Variants in AGO1 observed in about 807,000 individuals in gnomAD.
The protein encoded by AGO1 is protein argonaute-1.
Under a neutral mutation model 109.2 loss-of-function variants are expected in AGO1, and 11 were observed. The observed-to-expected ratio is 0.10, with a 90% CI of 0.06 to 0.17. The LOEUF (loss-of-function observed/expected upper bound fraction) is 0.17, where lower values mean the gene tolerates loss of function less well. Ranked by LOEUF, AGO1 falls within the 10% of genes least tolerant of loss-of-function variation. AGO1 has a pLI of 1.00. For missense variants in AGO1, 574 were observed against 1,140.3 expected, an observed-to-expected ratio of 0.50 and a Z score of 7.15; for synonymous variants, 422 against 418.6, an observed-to-expected ratio of 1.01 and a Z score of -0.10.
intron 1 of AGO1, among the ~76,000 whole-genome samples, chr1:35,874,800 T>G (rs1331761650): frequency 1.3e-5 from 2 of 152,084 alleles, no homozygotes; most frequent in Non-Finnish European, 2.9e-5. Context: ...AGTGAACACA[T>G]GAATAGTAAG....
chr1:35,875,869 A>G (rs1165104376), intron 1 of AGO1, among the ~76,000 whole-genome samples: 1 of 152,260 alleles, frequency 6.6e-6, no homozygotes, highest in East Asian at 1.9e-4. Flanking sequence ...CTACTTACAC[A>G]ACATCCATTC....
At chr1:35,881,745 T>C (rs1178594363), upstream of AGO1, among the ~76,000 whole-genome samples, 3 of 152,248 alleles carry the variant, frequency 2.0e-5, no homozygotes, top group Admixed American at 1.3e-4. Flanking sequence ...CCGGTTATGG[T>C]CCATCCCTTA....
At chr1:35,898,832 A>G (rs1645366340) in intron 8 of AGO1, among the ~76,000 whole-genome samples, 3 of 152,176 alleles carry the variant, frequency 2.0e-5, no homozygotes, top group Admixed American at 1.3e-4. Context: ...TGTCCACAAA[A>G]TCATTTATTC....
chr1:35,917,442 C>A, intron 15 of AGO1, 151 bp from the exon 16 acceptor site: 1 of 874,652 alleles, frequency 1.1e-6, no homozygotes, highest in Non-Finnish European at 1.7e-6. Flanking sequence ...ACAAGAAGGG[C>A]CTGTCATCTC....
chr1:35,894,200 A>G, intron 6 of AGO1, 29 bp downstream of exon 6: 3 of 1,568,872 alleles, frequency 1.9e-6, no homozygotes, highest in Non-Finnish European at 1.7e-6. Flanking sequence ...GGGAAGGGAA[A>G]CAGCGCCACT....
chr1:35,893,087 C>A lies in AGO1; in HGVS notation c.331-10C>A. 6.2e-7 allele frequency: 1 copy of A among 1,612,380 alleles called. No individual in the cohort carries two copies. Among genetic ancestry groups the A allele is most frequent in the South Asian group, 1.1e-5 (1 of 90,856 alleles). On this transcript the variant is annotated splice_polypyrimidine_tract_variant and intron_variant, in intron 3 of 18. Coordinates refer to ENST00000373204, the MANE Select transcript of AGO1 (RefSeq NM_012199.5). This position sits in a 1 kb window ranked among gnomAD's most constrained non-coding sequence, Gnocchi z 5.6. ...GCAATCCTTCATCCCTTTCTTTCACCCTCCTGAAGGTCGACTTTGAGGTGA... is the reference window on the plus strand; with the variant it reads ...GCAATCCTTCATCCCTTTCTTTCACACTCCTGAAGGTCGACTTTGAGGTGA...
rs1309344784 is a variant in AGO1 at position 35,888,237 on chromosome 1, A to G, written c.26-190A>G. Among the ~76,000 whole-genome samples, 2 of 149,066 alleles carry G rather than the reference A, an allele frequency of 1.3e-5. No individual in the cohort carries two copies. Among genetic ancestry groups the G allele is most frequent in the African/African-American group, 5.2e-5 (2 of 38,476 alleles). ...AATTTTCCTAACTGGAGAGAGATTA[A>G]AAAAGAAAAAAGAGAAAAAACACAG... On this transcript the variant is annotated intron_variant, in intron 1 of 18. Transcript: ENST00000373204. The surrounding 1 kb of genome is among the most constrained non-coding windows in gnomAD (Gnocchi z 4.1).
chr1:35,894,197 G>A, intron 6 of AGO1, 26 bp downstream of exon 6: 1 of 1,568,364 alleles, frequency 6.4e-7, no homozygotes, highest in Non-Finnish European at 8.7e-7. Context: ...GAGGGGAAGG[G>A]AAACAGCGCC....
At chr1:35,905,818 G>C (rs2791961) in intron 11 of AGO1, among the ~76,000 whole-genome samples, 35,604 of 151,916 alleles carry the variant, frequency 0.23, 6,862 homozygotes, top group East Asian at 0.69. Flanking sequence ...TTGTAACCAG[G>C]CTACTCAATT....
chr1:35,901,607 C>T lies in AGO1; in HGVS notation c.1140+14C>T, dbSNP rs897504367. On this transcript the variant is annotated intron_variant, in intron 9 of 18. Coordinates refer to ENST00000373204, the MANE Select transcript of AGO1 (RefSeq NM_012199.5). The surrounding 1 kb of genome is among the most constrained non-coding windows in gnomAD (Gnocchi z 4.8). ...ATCAGTCGCCTGGTCAGTGGGCCTACTCATTTGCTCAGTCATTGGGGCCAT... is the reference window on the plus strand; with the variant it reads ...ATCAGTCGCCTGGTCAGTGGGCCTATTCATTTGCTCAGTCATTGGGGCCAT... The T allele has an allele frequency of 3.1e-6, 5 of 1,613,968 alleles. No individual in the cohort carries two copies. The highest frequency in any genetic ancestry group is 3.4e-6 in the Non-Finnish European group (4 of 1,180,000).
At position 35,926,345 on chromosome 1, in the gene AGO1, T is replaced by C. The variant is rs185858553; in HGVS notation, c.*6738T>C. On this transcript the variant is annotated 3_prime_UTR_variant, in exon 19 of 19. Transcript: ENST00000373204. ...TGTCCTGGCACCTCTGGGCATTCCTTTTCATTACTGGTTGAGCATCCTTCC... is the reference window on the plus strand; with the variant it reads ...TGTCCTGGCACCTCTGGGCATTCCTCTTCATTACTGGTTGAGCATCCTTCC... 33 of 152,264 alleles carry C rather than the reference T, an allele frequency of 2.2e-4. No individual in the cohort carries two copies. Among genetic ancestry groups the C allele is most frequent in the African/African-American group, 7.5e-4 (31 of 41,518 alleles). The allele number at this position is 152,264 out of a possible 1,614,324, so 9.4% of individuals were successfully genotyped here.
At chr1:35,878,713 C>G (rs1468247604), upstream of AGO1, among the ~76,000 whole-genome samples, 1 of 152,164 alleles carries the variant, frequency 6.6e-6, no homozygotes, top group Non-Finnish European at 1.5e-5. Flanking sequence ...TATAGATTTT[C>G]TCATACAAAT....
At position 35,927,982 on chromosome 1, in the gene AGO1, A is replaced by C. The variant is rs966786785; in HGVS notation, c.*8375A>C. On this transcript the variant is annotated 3_prime_UTR_variant, in exon 19 of 19. Transcript: ENST00000373204. Reference sequence around the variant, plus strand: ...TGACTCTAATCTTGGCCCATGTGAGAGGATTGTACTCAGTTGCTCTCCTCA... The same window carrying C: ...TGACTCTAATCTTGGCCCATGTGAGCGGATTGTACTCAGTTGCTCTCCTCA... 1.3e-5 allele frequency: 2 copies of C among 152,168 alleles called. No homozygotes were observed. Among genetic ancestry groups the C allele is most frequent in the Non-Finnish European group, 2.9e-5 (2 of 68,042 alleles). The allele number at this position is 152,168 out of a possible 1,614,324, so 9.4% of individuals were successfully genotyped here. A position where few individuals can be genotyped will look rare whatever the true frequency, so the allele number is the denominator to read the frequency against.
chr1:35,896,820 G>A (rs551088704), intron 8 of AGO1, among the ~76,000 whole-genome samples: 1 of 152,206 alleles, frequency 6.6e-6, no homozygotes, highest in Non-Finnish European at 1.5e-5. Context: ...AGCTACTGAT[G>A]CACATGAAGG....
chr1:35,902,220 C>T lies in AGO1; in HGVS notation c.1280C>T (p.Thr427Ile), dbSNP rs1015543488. 4.3e-6 allele frequency: 7 copies of T among 1,613,954 alleles called. No individual in the cohort carries two copies. The highest frequency in any genetic ancestry group is 5.9e-6 in the Non-Finnish European group (7 of 1,179,896). Reference protein sequence around the residue: ...QYGGRNRAIATPNQGVWDMRG... With the variant: ...QYGGRNRAIAIPNQGVWDMRG... Reference sequence around the variant, plus strand: ...TATCCCCAGAACCGGGCCATTGCCACACCCAATCAGGGTGTCTGGGACATG... The same window carrying T: ...TATCCCCAGAACCGGGCCATTGCCATACCCAATCAGGGTGTCTGGGACATG... The change falls in exon 11 of 19, where the codon ACA becomes ATA. Residue 427 changes from threonine to isoleucine, a missense_variant. Physicochemically the swap from Thr to Ile is moderately conservative, Grantham distance 89 (BLOSUM62 -1). Coordinates refer to ENST00000373204, the MANE Select transcript of AGO1 (RefSeq NM_012199.5).
chr1:35,877,992 A>G (rs1160033002), intron 1 of AGO1, among the ~76,000 whole-genome samples: 1 of 149,740 alleles, frequency 6.7e-6, no homozygotes, highest in South Asian at 2.1e-4. Context: ...CACCCGGCCC[A>G]ATATTAGTAA....
intron 1 of AGO1, among the ~76,000 whole-genome samples, chr1:35,877,979 C>T (rs1421272334): frequency 6.6e-6 from 1 of 152,094 alleles, no homozygotes; most frequent in East Asian, 1.9e-4. Flanking sequence ...GGGTGAGCCA[C>T]TGCACCCGGC....
chr1:35,892,548 C>A lies in AGO1; in HGVS notation c.210-9C>A. Reference sequence around the variant, plus strand: ...CTCAGCTTCCACAGGCCACTCCTATCCCCCACAGGGAAGTGGTGGAATACA... The same window carrying A: ...CTCAGCTTCCACAGGCCACTCCTATACCCCACAGGGAAGTGGTGGAATACA... On this transcript the variant is annotated splice_polypyrimidine_tract_variant and intron_variant, in intron 2 of 18. Coordinates refer to ENST00000373204, the MANE Select transcript of AGO1 (RefSeq NM_012199.5). 1 of 1,614,214 alleles carries A rather than the reference C, an allele frequency of 6.2e-7. No homozygotes were observed. The highest frequency in any genetic ancestry group is 1.1e-5 in the South Asian group (1 of 91,082).
chr1:35,888,242 G>GA lies in AGO1; in HGVS notation c.26-179dup, dbSNP rs1209407981. Among the ~76,000 whole-genome samples the GA allele has an allele frequency of 6.7e-6, 1 of 148,942 alleles. No homozygotes were observed. Among genetic ancestry groups the GA allele is most frequent in the Non-Finnish European group, 1.5e-5 (1 of 67,948 alleles). ...TCCTAACTGGAGAGAGATTAAAAAA[G>GA]AAAAAAGAGAAAAAACACAGATGAG... On this transcript the variant is annotated intron_variant, in intron 1 of 18. Coordinates refer to ENST00000373204, the MANE Select transcript of AGO1 (RefSeq NM_012199.5). The surrounding 1 kb of genome is among the most constrained non-coding windows in gnomAD (Gnocchi z 4.1).
Sources: allele counts gnomAD v4.1 joint callset (sites outside exome capture counted in the v4.1 genomes callset), GRCh38; gene constraint gnomAD v4.1.1; non-coding constraint Gnocchi (gnomAD v3.1); transcripts MANE v1.5; gene names NCBI Gene and HGNC (gene_info 2026-07-23, HGNC 2026-07-21).